The following ZCWPW2 variants were observed in gnomAD, a reference collection of about 807,000 sequenced individuals.
ZCWPW2 encodes zinc finger CW-type and PWWP domain containing 2.
ZCWPW2 carries 45 observed loss-of-function variants against 46.6 expected under a neutral mutation model. The observed-to-expected ratio is 0.96, with a 90% CI of 0.76 to 1.24. The LOEUF is 1.24. Among genes scored for constraint, ZCWPW2 ranks in the 50% most tolerant of loss-of-function variants. The pLI is 0.00. For synonymous variants in ZCWPW2, 152 were observed against 137.1 expected, an observed-to-expected ratio of 1.11 and a Z score of -0.76; for missense variants, 429 against 403.9, an observed-to-expected ratio of 1.06 and a Z score of -0.53.
At chr3:28,480,040 G>A (rs1699375683) in intron 5 of ZCWPW2, among the ~76,000 whole-genome samples, 1 of 152,156 alleles carries the variant, frequency 6.6e-6, no homozygotes, top group Non-Finnish European at 1.5e-5. Flanking sequence ...ATGTGTGCAT[G>A]TGTCTTTATA....
At chr3:28,394,931 T>C (rs1461210454) in intron 2 of ZCWPW2, among the ~76,000 whole-genome samples, 1 of 152,088 alleles carries the variant, frequency 6.6e-6, no homozygotes, top group Non-Finnish European at 1.5e-5. Flanking sequence ...AAAGTGTATC[T>C]GCTCAGCAAA....
At chr3:28,466,279 A>G (rs574588714) in intron 4 of ZCWPW2, among the ~76,000 whole-genome samples, 2 of 152,320 alleles carry the variant, frequency 1.3e-5, no homozygotes, top group South Asian at 4.1e-4. Context: ...CACCAAACCC[A>G]CATAACACAC....
intron 9 of ZCWPW2, among the ~76,000 whole-genome samples, chr3:28,523,612 T>G (rs901613937): frequency 3.3e-5 from 5 of 152,218 alleles, no homozygotes; most frequent in Non-Finnish European, 4.4e-5. Flanking sequence ...TTTGATAATG[T>G]TTTCATCATT....
chr3:28,349,204 G>T lies in ZCWPW2; in HGVS notation c.-134+1G>T. On this transcript the variant is annotated splice_donor_variant, in intron 1 of 9. Coordinates refer to ENST00000383768, the MANE Select transcript of ZCWPW2 (RefSeq NM_001040432.4). LOFTEE classifies it low-confidence loss of function (5UTR_SPLICE). ...GGAGGCGGAGGCGGAGTGGAGTTAG[G>T]TAAGAGCGTTACCAGCCGTCTTGTC... 4 of 985,574 alleles carry T rather than the reference G, an allele frequency of 4.1e-6. No individual in the cohort carries two copies. Among genetic ancestry groups the T allele is most frequent in the Non-Finnish European group, 4.8e-6 (4 of 830,038 alleles). 61.1% of individuals were successfully genotyped at this position (985,574 alleles called of 1,614,324 possible).
At chr3:28,493,000 T>C (rs1699867901) in intron 6 of ZCWPW2, among the ~76,000 whole-genome samples, 1 of 151,344 alleles carries the variant, frequency 6.6e-6, no homozygotes, top group Non-Finnish European at 1.5e-5. Flanking sequence ...GAGCATCATG[T>C]TTGTATTCTT....
intron 2 of ZCWPW2, among the ~76,000 whole-genome samples, chr3:28,397,106 G>A (rs1167449070): frequency 2.0e-5 from 3 of 150,352 alleles, no homozygotes; most frequent in African/African-American, 7.4e-5. Flanking sequence ...TCTGGCCTGG[G>A]TGACAAAACC....
At chr3:28,403,466 C>A (rs966267260) in intron 2 of ZCWPW2, among the ~76,000 whole-genome samples, 1 of 152,152 alleles carries the variant, frequency 6.6e-6, no homozygotes, top group Non-Finnish European at 1.5e-5. Context: ...AATGACCACA[C>A]TGCCAAGAGC....
intron 2 of ZCWPW2, among the ~76,000 whole-genome samples, chr3:28,392,945 G>A (rs941032533): frequency 8.6e-5 from 13 of 151,402 alleles, no homozygotes; most frequent in Non-Finnish European, 1.3e-4. Flanking sequence ...ATAAAGATTA[G>A]TGCAGAAAAA....
At chr3:28,399,672 G>C (rs1575091097) in intron 2 of ZCWPW2, among the ~76,000 whole-genome samples, 1 of 152,220 alleles carries the variant, frequency 6.6e-6, no homozygotes, top group South Asian at 2.1e-4. Context: ...GCTAGATCCA[G>C]AAGACAGATA....
intron 3 of ZCWPW2, among the ~76,000 whole-genome samples, chr3:28,417,752 C>A (rs1325118015): frequency 1.1e-5 from 1 of 93,084 alleles, no homozygotes; most frequent in African/African-American, 4.4e-5. Context: ...TAAACAGAAC[C>A]AAAGACAGAA....
At chr3:28,512,961 A>G (rs1355331083) in intron 6 of ZCWPW2, among the ~76,000 whole-genome samples, 2 of 152,208 alleles carry the variant, frequency 1.3e-5, no homozygotes, top group Non-Finnish European at 2.9e-5. Context: ...AGATAAAATT[A>G]GATGAATTTT....
intron 6 of ZCWPW2, among the ~76,000 whole-genome samples, chr3:28,495,965 G>T (rs1319999341): frequency 6.6e-6 from 1 of 151,862 alleles, no homozygotes; most frequent in Non-Finnish European, 1.5e-5. Context: ...ATGTTCTGCT[G>T]GACTCGACAA....
intron 6 of ZCWPW2, among the ~76,000 whole-genome samples, chr3:28,501,202 G>A (rs972892405): frequency 6.6e-6 from 1 of 152,162 alleles, no homozygotes; most frequent in South Asian, 2.1e-4. Flanking sequence ...CTTTTGTAAG[G>A]CAGCTCCAGC....
At chr3:28,475,511 A>T (rs1699206690) in intron 4 of ZCWPW2, among the ~76,000 whole-genome samples, 1 of 152,198 alleles carries the variant, frequency 6.6e-6, no homozygotes. Context: ...TATTACTTTT[A>T]TGCTCAGAAC....
At chr3:28,368,003 T>A (rs569266046) in intron 1 of ZCWPW2, among the ~76,000 whole-genome samples, 1 of 152,272 alleles carries the variant, frequency 6.6e-6, no homozygotes, top group Non-Finnish European at 1.5e-5. Context: ...GCTTGGTAGA[T>A]CTTCCTCCAT....
intron 2 of ZCWPW2, among the ~76,000 whole-genome samples, chr3:28,401,661 C>A (rs1156705442): frequency 6.6e-6 from 1 of 152,122 alleles, no homozygotes; most frequent in Non-Finnish European, 1.5e-5. Context: ...ATGGAACTTT[C>A]TCCAAGATAG....
In ZCWPW2 at chr3:28,349,246, C is replaced by A. The variant is rs938045236; in HGVS notation, c.-134+43C>A. 5 of 976,412 alleles carry A rather than the reference C, an allele frequency of 5.1e-6. No homozygotes were observed. The African/African-American group carries it at 5.3e-5, about 10-fold the overall frequency. The allele number at this position is 976,412 out of a possible 1,614,324, so 60.5% of individuals were successfully genotyped here. ...CGTCTTGTCTGTTGGGCCGAGGTCCCCCTTCAGGGGCGCCCTCTGGTGCGT... is the reference window on the plus strand; with the variant it reads ...CGTCTTGTCTGTTGGGCCGAGGTCCACCTTCAGGGGCGCCCTCTGGTGCGT... On this transcript the variant is annotated intron_variant, in intron 1 of 9. Transcript: ENST00000383768.
At chr3:28,352,496 C>T (rs918437530) in intron 1 of ZCWPW2, among the ~76,000 whole-genome samples, 1 of 151,938 alleles carries the variant, frequency 6.6e-6, no homozygotes, top group Non-Finnish European at 1.5e-5. Context: ...TGACCTAAAT[C>T]TTGATAGTGG....
At chr3:28,466,523 C>T (rs1698831554) in intron 4 of ZCWPW2, among the ~76,000 whole-genome samples, 1 of 152,108 alleles carries the variant, frequency 6.6e-6, no homozygotes, top group Non-Finnish European at 1.5e-5. Context: ...CCGAGACTGG[C>T]TGTGGTGGCT....
Sources: gnomAD v4.1 joint callset for allele counts (sites outside exome capture counted in the v4.1 genomes callset) on GRCh38, gnomAD v4.1.1 for gene constraint, MANE v1.5 for transcripts, NCBI Gene and HGNC (gene_info 2026-07-23, HGNC 2026-07-21) for gene names.